TMEM132D: variants seen among roughly 807,000 people sequenced by gnomAD.
TMEM132D encodes the protein transmembrane protein 132D, also known as mature OL transmembrane protein.
A neutral mutation model predicts 62.3 loss-of-function variants in TMEM132D; 21 were observed. That is an observed-to-expected ratio of 0.34 (90% CI 0.24 to 0.49). The LOEUF is 0.49. TMEM132D is among the 20% of genes least tolerant of loss of function. The pLI is 0.99. For synonymous variants in TMEM132D, 621 were observed against 575.6 expected, an observed-to-expected ratio of 1.08 and a Z score of -1.13; for missense variants, 1,346 against 1,402.8, an observed-to-expected ratio of 0.96 and a Z score of 0.65.
chr12:129,345,671 G>A (rs995684697), intron 3 of TMEM132D, among the ~76,000 whole-genome samples: 1 of 152,140 alleles, frequency 6.6e-6, no homozygotes, highest in African/African-American at 2.4e-5. Flanking sequence ...TGCAGCAGGT[G>A]TGTGCATGTT....
intron 1 of TMEM132D, among the ~76,000 whole-genome samples, chr12:129,790,779 C>T (rs1044561686): frequency 3.3e-5 from 5 of 152,228 alleles, no homozygotes; most frequent in African/African-American, 4.8e-5. Flanking sequence ...CAGAATTTCC[C>T]TGCCTCCTGT....
chr12:129,791,092 T>A (rs1871389642), intron 1 of TMEM132D, among the ~76,000 whole-genome samples: 1 of 152,230 alleles, frequency 6.6e-6, no homozygotes, highest in Non-Finnish European at 1.5e-5. Context: ...GTAAGTTTAA[T>A]GTCAATTGCA....
chr12:129,519,082 T>G (rs1035861077), intron 3 of TMEM132D, among the ~76,000 whole-genome samples: 1 of 152,204 alleles, frequency 6.6e-6, no homozygotes, highest in African/African-American at 2.4e-5. Flanking sequence ...TTTTTCCCTT[T>G]AATTATGTCT....
chr12:129,144,059 A>G (rs1876820965), intron 5 of TMEM132D, among the ~76,000 whole-genome samples: 1 of 152,128 alleles, frequency 6.6e-6, no homozygotes, highest in Non-Finnish European at 1.5e-5. Flanking sequence ...ATAGCGTATC[A>G]GTGACCTGAG....
chr12:129,786,768 A>G (rs1871258666), intron 1 of TMEM132D, among the ~76,000 whole-genome samples: 1 of 152,164 alleles, frequency 6.6e-6, no homozygotes, highest in Non-Finnish European at 1.5e-5. Flanking sequence ...GTACATGCCT[A>G]TAATCCCAGC....
At chr12:129,585,284 G>A (rs1002679217) in intron 2 of TMEM132D, among the ~76,000 whole-genome samples, 10 of 152,160 alleles carry the variant, frequency 6.6e-5, no homozygotes, top group African/African-American at 2.4e-4. Context: ...GTTCTACATA[G>A]CCAAGGACGC....
chr12:129,874,303 G>A lies in TMEM132D; in HGVS notation c.79+28958C>T, dbSNP rs191886065. Among the ~76,000 whole-genome samples, 309 of 152,146 alleles carry A rather than the reference G, an allele frequency of 2.0e-3. 2 individuals are homozygous for A. The highest frequency in any genetic ancestry group is 1.9e-3 in the Non-Finnish European group (132 of 67,998). ...TTTTTACTTAGTTTAAAAATAAATC[G>A]GGAGGCTGAGGCAGGAGAATCACTT... On this transcript the variant is annotated intron_variant, in intron 1 of 8. Transcript: ENST00000422113.
rs531737272 is a variant in TMEM132D at position 129,812,538 on chromosome 12, A to T, written c.79+90723T>A. On this transcript the variant is annotated intron_variant, in intron 1 of 8. Coordinates refer to ENST00000422113, the MANE Select transcript of TMEM132D (RefSeq NM_133448.3). Reference sequence around the variant, plus strand: ...TCTCCATTTCCTCGTTAGTCTTCAAAACTTTCCAATCTGGCTCTGTCTCCA... The same window carrying T: ...TCTCCATTTCCTCGTTAGTCTTCAATACTTTCCAATCTGGCTCTGTCTCCA... Among the ~76,000 whole-genome samples the T allele has an allele frequency of 5.9e-5, 9 of 151,890 alleles. No individual in the cohort carries two copies. In the South Asian group the frequency reaches 1.9e-3, roughly 32 times the overall value.
intron 2 of TMEM132D, among the ~76,000 whole-genome samples, chr12:129,562,525 A>G (rs76592997): frequency 6.6e-6 from 1 of 152,188 alleles, no homozygotes; most frequent in Admixed American, 6.5e-5. Flanking sequence ...GAAGGGTATA[A>G]ATATCTGTAC....
At chr12:129,759,205 A>G (rs1323423772) in intron 1 of TMEM132D, among the ~76,000 whole-genome samples, 1 of 152,102 alleles carries the variant, frequency 6.6e-6, no homozygotes, top group Non-Finnish European at 1.5e-5. Context: ...AAGTGCTGGG[A>G]TTATAGGCGT....
At chr12:129,750,364 C>T (rs926916313) in intron 1 of TMEM132D, among the ~76,000 whole-genome samples, 13 of 152,130 alleles carry the variant, frequency 8.5e-5, no homozygotes, top group African/African-American at 3.1e-4. Context: ...GGATTACAGG[C>T]GTGAGCTACC....
At chr12:129,863,048 C>T (rs983992398) in intron 1 of TMEM132D, among the ~76,000 whole-genome samples, 1 of 152,094 alleles carries the variant, frequency 6.6e-6, no homozygotes, top group East Asian at 1.9e-4. Context: ...TTCAGAGAAC[C>T]GAGGCATTGA....
intron 2 of TMEM132D, among the ~76,000 whole-genome samples, chr12:129,654,816 T>G (rs1880028967): frequency 6.6e-6 from 1 of 152,204 alleles, no homozygotes. Flanking sequence ...ATTGTGTATA[T>G]CTGACAGAAA....
chr12:129,239,986 A>C (rs1879893329), intron 4 of TMEM132D, among the ~76,000 whole-genome samples: 1 of 152,176 alleles, frequency 6.6e-6, no homozygotes, highest in Non-Finnish European at 1.5e-5. Context: ...TTCTCTTTGC[A>C]AGGAAAAGGG....
chr12:129,418,011 T>C (rs1452989663), intron 3 of TMEM132D, among the ~76,000 whole-genome samples: 2 of 152,182 alleles, frequency 1.3e-5, no homozygotes, highest in Non-Finnish European at 2.9e-5. Context: ...TACCATCTCA[T>C]GCCAGTTAGA....
At chr12:129,093,271 A>G (rs539445468) in intron 5 of TMEM132D, among the ~76,000 whole-genome samples, 4 of 152,280 alleles carry the variant, frequency 2.6e-5, no homozygotes, top group African/African-American at 9.6e-5. Flanking sequence ...ACATGATTGT[A>G]TATCTAGAAA....
chr12:129,835,015 C>T (rs34241893), intron 1 of TMEM132D, among the ~76,000 whole-genome samples: 9,566 of 152,146 alleles, frequency 0.063, 389 homozygotes, highest in Non-Finnish European at 0.091. Flanking sequence ...AAAAGGAAGC[C>T]AGGATAGAGT....
At chr12:129,197,162 G>T (rs1878572166) in intron 5 of TMEM132D, among the ~76,000 whole-genome samples, 1 of 152,166 alleles carries the variant, frequency 6.6e-6, no homozygotes, top group South Asian at 2.1e-4. Context: ...TGGCTGTGCG[G>T]CAATGAAACT....
At chr12:129,223,131 C>T (rs1395577793) in intron 4 of TMEM132D, among the ~76,000 whole-genome samples, 1 of 152,048 alleles carries the variant, frequency 6.6e-6, no homozygotes, top group African/African-American at 2.4e-5. Flanking sequence ...GACATTCCTG[C>T]CATGTGGAAG....
Sources: gnomAD v4.1 joint callset for allele counts (sites outside exome capture counted in the v4.1 genomes callset) on GRCh38, gnomAD v4.1.1 for gene constraint, MANE v1.5 for transcripts, NCBI Gene and HGNC (gene_info 2026-07-23, HGNC 2026-07-21) for gene names.